PRAF2: variants seen among roughly 807,000 people sequenced by gnomAD.
The protein encoded by PRAF2 is PRA1 domain family member 2.
Under a neutral mutation model 9.7 loss-of-function variants are expected in PRAF2, and 5 were observed. The observed-to-expected ratio is 0.51, with a 90% CI of 0.27 to 1.08. PRAF2 has a LOEUF of 1.08. Ranked by LOEUF, PRAF2 falls within the 50% of genes least tolerant of loss-of-function variation. The pLI is 0.12. For missense variants in PRAF2, 135 were observed against 160.7 expected (o/e 0.84, Z 0.86); for synonymous variants, 61 against 76.6 (o/e 0.80, Z 1.06).
Position 49,072,042 on chromosome X carries a change from A to C in PRAF2, c.398-34T>G, listed in dbSNP as rs373924430. Reference sequence around the variant, plus strand: ...GGCACCGAGAGGGGTGGTCAGTGGAATAGACCTCAGCCTGCAGCCAACCGG... The same window carrying C: ...GGCACCGAGAGGGGTGGTCAGTGGACTAGACCTCAGCCTGCAGCCAACCGG... On this transcript the variant is annotated intron_variant, in intron 2 of 2. Coordinates refer to ENST00000553851, the MANE Select transcript of PRAF2 (RefSeq NM_007213.3). 1.1e-5 allele frequency: 13 copies of C among 1,184,556 alleles called. No homozygotes were observed. The African/African-American group carries it at 2.3e-4, about 21-fold the overall frequency.
Position 49,073,528 on chromosome X carries a change from C to G in PRAF2, c.179+281G>C, listed in dbSNP as rs111418404. 5.5e-3 allele frequency among the ~76,000 whole-genome samples: 604 copies of G among 109,228 alleles called. 3 individuals are homozygous for G. Among genetic ancestry groups the G allele is most frequent in the African/African-American group, 0.019 (566 of 29,819 alleles). The allele number at this position is 109,228 out of a possible 115,157, so 94.9% of individuals were successfully genotyped here. ...TTCCAGCCCACTTTCCCCTTCAGTC[C>G]CACACTTGTCTCCATCCTCCCCATA... On this transcript the variant is annotated intron_variant, in intron 1 of 2. Coordinates refer to ENST00000553851, the MANE Select transcript of PRAF2 (RefSeq NM_007213.3).
At chrX:49,073,761 C>T (rs781891543) in intron 1 of PRAF2, 48 bp downstream of exon 1, 3 of 1,196,720 alleles carry the variant, frequency 2.5e-6, no homozygotes, top group Non-Finnish European at 3.4e-6. Flanking sequence ...TGGGTCTACC[C>T]CCACGCTCTG....
In PRAF2 at chrX:49,073,988, C is replaced by T; in HGVS notation, c.-1G>A. ...GCGGTGGCAGCCGCACCTCCGACAT[C>T]CTGCCGGTTAATGTGGCTGGACCAG... is the stretch of plus-strand genomic sequence containing the variant. On this transcript the variant is annotated 5_prime_UTR_variant, in exon 1 of 3. Coordinates refer to ENST00000553851, the MANE Select transcript of PRAF2 (RefSeq NM_007213.3). 1 of 1,197,541 alleles carries T rather than the reference C, an allele frequency of 8.4e-7. No individual in the cohort carries two copies. Among genetic ancestry groups the T allele is most frequent in the Non-Finnish European group, 1.1e-6 (1 of 889,192 alleles).
intron 1 of PRAF2, 138 bp downstream of exon 1, chrX:49,073,671 A>G: frequency 3.8e-6 from 3 of 790,038 alleles, no homozygotes; most frequent in Non-Finnish European, 5.3e-6. Context: ...CAAGCCCCTC[A>G]GGCCGTCCAT....
At chrX:49,073,760 C>T (rs1557083535) in intron 1 of PRAF2, 49 bp downstream of exon 1, 1 of 1,193,126 alleles carries the variant, frequency 8.4e-7, no homozygotes, top group Admixed American at 2.2e-5. Flanking sequence ...GTGGGTCTAC[C>T]CCCACGCTCT....
intron 2 of PRAF2, 72 bp downstream of exon 2, chrX:49,072,361 G>T: frequency 9.0e-7 from 1 of 1,113,613 alleles, no homozygotes. Flanking sequence ...CCCGGGGACC[G>T]GCAGGGCTGG....
rs1557083260 is a variant in PRAF2 at position 49,072,414 on chromosome X, C to T, written c.397+19G>A. 1.7e-6 allele frequency: 2 copies of T among 1,180,719 alleles called. No individual in the cohort carries two copies. Among genetic ancestry groups the T allele is most frequent in the African/African-American group, 1.7e-5 (1 of 57,223 alleles). On this transcript the variant is annotated intron_variant, in intron 2 of 2. Transcript: ENST00000553851. ...GCTCTGGCTGCTTTCCTGGCTATCTCGGGGTAGTGGAGACTCACGAAGCAC... is the reference window on the plus strand; with the variant it reads ...GCTCTGGCTGCTTTCCTGGCTATCTTGGGGTAGTGGAGACTCACGAAGCAC...
chrX:49,073,515 T>C (rs1209883402), intron 1 of PRAF2, among the ~76,000 whole-genome samples: 4 of 108,674 alleles, frequency 3.7e-5, no homozygotes, highest in Non-Finnish European at 7.7e-5. Flanking sequence ...CCAGCCCACT[T>C]TCCCCTTCAG....
At position 49,073,842 on chromosome X, in the gene PRAF2, A is replaced by C; in HGVS notation, c.146T>G (p.Leu49Arg). ...NNLLYYQTNY[L>R]LCFGIGLALA... The stretch of plus-strand genomic sequence containing the variant: ...AGCGAGGCCGATGCCGAAGCAGAGA[A>C]GGTAGTTGGTTTGGTAGTAGAGGAG... The change falls in exon 1 of 3, where the codon CTT (leucine) becomes CGT (arginine). Residue 49 changes from leucine to arginine, a missense_variant. Coordinates refer to ENST00000553851, the MANE Select transcript of PRAF2 (RefSeq NM_007213.3). 2 of 1,212,212 alleles carry C rather than the reference A, an allele frequency of 1.6e-6. No individual in the cohort carries two copies. The highest frequency in any genetic ancestry group is 2.2e-6 in the Non-Finnish European group (2 of 895,534).
rs1557083330 is a variant in PRAF2, at chrX:49,072,637, G to A, written c.193C>T (p.Leu65Phe). ...GLALAGYVRP[L>F]HTLLSALVVA... is the part of the protein sequence containing the mutation. ...ACCAGCGCGCTCAGGAGCGTATGAA[G>A]TGGCCGCACGTACCTGCGGGTACAA... The change falls in exon 2 of 3, where the codon CTT becomes TTT. Residue 65 changes from leucine (L) to phenylalanine (F), a missense_variant. Transcript: ENST00000553851. 3.4e-6 allele frequency: 4 copies of A among 1,164,940 alleles called. No individual in the cohort carries two copies. Among genetic ancestry groups the A allele is most frequent in the Non-Finnish European group, 4.6e-6 (4 of 872,522 alleles).
chrX:49,072,650 C>T lies in PRAF2; in HGVS notation c.180G>A (p.Gly60=), dbSNP rs1232657732. The part of the protein sequence containing the change: ...LCFGIGLALA[G]YVRPLHTLLS... ...GGAGCGTATGAAGTGGCCGCACGTA[C>T]CTGCGGGTACAAGGGAACCAAGCTA... Residue 60 remains glycine (G), a splice_region_variant and synonymous_variant, in exon 2 of 3, where the codon GGG becomes GGA. Transcript: ENST00000553851. The T allele has an allele frequency of 1.2e-5, 14 of 1,164,188 alleles. No homozygotes were observed. Among genetic ancestry groups the T allele is most frequent in the Non-Finnish European group, 1.5e-5 (13 of 871,967 alleles).
Position 49,073,716 on chromosome X carries a change from C to T in PRAF2, c.179+93G>A, listed in dbSNP as rs782720335. ...CTTCGCCCTTCCCGGCCTTGCACCC[C>T]CCTCAGGTTCCCCGTCCTGGTCCTC... On this transcript the variant is annotated intron_variant, in intron 1 of 2. Transcript: ENST00000553851. 5.2e-4 allele frequency: 566 copies of T among 1,087,281 alleles called. 8 individuals are homozygous for T. The East Asian group carries it at 0.017, about 32-fold the overall frequency. The allele number at this position is 1,087,281 out of a possible 1,213,427, so 89.6% of individuals were successfully genotyped here. A position where few individuals can be genotyped will look rare whatever the true frequency, so the allele number is the denominator to read the frequency against.
Position 49,071,804 on chromosome X carries a change from G to A in PRAF2, c.*65C>T. On this transcript the variant is annotated 3_prime_UTR_variant, in exon 3 of 3. Transcript: ENST00000553851. ...GTTTTAAGTGCTGGGAAAGGGCTCT[G>A]GGTCCCAATTATGGGCTGGGGGTGG... 8.9e-7 allele frequency: 1 copy of A among 1,124,321 alleles called. No individual in the cohort carries two copies. The highest frequency in any genetic ancestry group is 1.2e-6 in the Non-Finnish European group (1 of 849,329). The allele number at this position is 1,124,321 out of a possible 1,213,427, so 92.7% of individuals were successfully genotyped here.
Position 49,072,668 on chromosome X carries a change from C to G in PRAF2, c.180-18G>C. The G allele has an allele frequency of 8.6e-7, 1 of 1,160,342 alleles. No individual in the cohort carries two copies. The highest frequency in any genetic ancestry group is 1.2e-6 in the Non-Finnish European group (1 of 868,994). Reference sequence around the variant, plus strand: ...GCACGTACCTGCGGGTACAAGGGAACCAAGCTAGCCGGCCGGGCGGAGAGA... The same window carrying G: ...GCACGTACCTGCGGGTACAAGGGAAGCAAGCTAGCCGGCCGGGCGGAGAGA... On this transcript the variant is annotated intron_variant, in intron 1 of 2. Coordinates refer to ENST00000553851, the MANE Select transcript of PRAF2 (RefSeq NM_007213.3).
At position 49,071,733 on chromosome X, in the gene PRAF2, G is replaced by A. The variant is rs41309731; in HGVS notation, c.*136C>T. 0.016 allele frequency: 10,738 copies of A among 691,306 alleles called. 82 individuals are homozygous for A. Among genetic ancestry groups the A allele is most frequent in the Non-Finnish European group, 0.019 (9,129 of 486,863 alleles). The allele number at this position is 691,306 out of a possible 1,213,427, so 57.0% of individuals were successfully genotyped here. A position where few individuals can be genotyped will look rare whatever the true frequency, so the allele number is the denominator to read the frequency against. On this transcript the variant is annotated 3_prime_UTR_variant, in exon 3 of 3. Coordinates refer to ENST00000553851, the MANE Select transcript of PRAF2 (RefSeq NM_007213.3). The stretch of plus-strand genomic sequence containing the variant: ...TTTGGGGCTGGCGTGGGGGTAGGGC[G>A]GTCACAGATGTCCTGTTTTGTTTGG...
At position 49,072,475 on chromosome X, in the gene PRAF2, C is replaced by T. The variant is rs868973714; in HGVS notation, c.355G>A (p.Gly119Ser). The T allele has an allele frequency of 8.4e-7, 1 of 1,194,834 alleles. No homozygotes were observed. The highest frequency in any genetic ancestry group is 1.1e-6 in the Non-Finnish European group (1 of 887,599). Residue 119 changes from glycine to serine, a missense_variant, in exon 2 of 3, where the codon GGC becomes AGC. Gly to Ser is a moderately conservative substitution (Grantham distance 56). Coordinates refer to ENST00000553851, the MANE Select transcript of PRAF2 (RefSeq NM_007213.3). ...ATGCTGAACAGGAAGGTGCAAGCGC[C>T]GCCCGCGACCCAGAGCACCAGGAGG... is the stretch of plus-strand genomic sequence containing the variant. The part of the protein sequence containing the change: ...VGLLVLWVAG[G>S]ACTFLFSIAG...
rs782220893 is a variant in PRAF2, at chrX:49,071,858, A to G, written c.*11T>C. On this transcript the variant is annotated 3_prime_UTR_variant, in exon 3 of 3. Coordinates refer to ENST00000553851, the MANE Select transcript of PRAF2 (RefSeq NM_007213.3). The stretch of plus-strand genomic sequence containing the variant: ...GGTATTCTCCAGGTCCTGGGTACAG[A>G]TCCCAGGGGCCTAGGATCCAGCCTC... 7 of 1,200,395 alleles carry G rather than the reference A, an allele frequency of 5.8e-6. No homozygotes were observed. The highest frequency in any genetic ancestry group is 1.1e-6 in the Non-Finnish European group (1 of 891,161).
Position 49,072,003 on chromosome X carries a change from G to A in PRAF2, c.403C>T (p.Leu135=). 8.3e-7 allele frequency: 1 copy of A among 1,206,617 alleles called. No individual in the cohort carries two copies. Among genetic ancestry groups the A allele is most frequent in the Non-Finnish European group, 1.1e-6 (1 of 893,724 alleles). ...FSIAGPVLLI[L]VHASLRLRNL... is the part of the protein sequence containing the mutation. Reference sequence around the variant, plus strand: ...CGCAGGCGCAACGAGGCGTGCACCAGGATCACTGTGGGCGGCACCGAGAGG... The same window carrying A: ...CGCAGGCGCAACGAGGCGTGCACCAAGATCACTGTGGGCGGCACCGAGAGG... The change falls in exon 3 of 3, where the codon CTG becomes TTG. Residue 135 remains leucine, a synonymous_variant. Coordinates refer to ENST00000553851, the MANE Select transcript of PRAF2 (RefSeq NM_007213.3).
chrX:49,071,545 G>A lies in PRAF2; in HGVS notation c.*324C>T. The stretch of plus-strand genomic sequence containing the variant: ...AGTTTGGGGATGAGCATGGAGAAGG[G>A]TGGATGGGAGTGTCTCTGGGTTCAC... On this transcript the variant is annotated 3_prime_UTR_variant, in exon 3 of 3. Coordinates refer to ENST00000553851, the MANE Select transcript of PRAF2 (RefSeq NM_007213.3). 6.1e-6 allele frequency: 1 copy of A among 162,653 alleles called. No individual in the cohort carries two copies. The highest frequency in any genetic ancestry group is 2.3e-4 in the South Asian group (1 of 4,394). 13.4% of individuals were successfully genotyped at this position (162,653 alleles called of 1,213,427 possible).
Sources: allele counts gnomAD v4.1 joint callset (sites outside exome capture counted in the v4.1 genomes callset), GRCh38; gene constraint gnomAD v4.1.1; transcripts MANE v1.5; gene names NCBI Gene and HGNC (gene_info 2026-07-23, HGNC 2026-07-21).